The following SEL1L variants were observed in gnomAD, a reference collection of about 807,000 sequenced individuals.
The protein encoded by SEL1L is protein sel-1 homolog 1.
Under a neutral mutation model 109.8 loss-of-function variants are expected in SEL1L, and 52 were observed. That is an observed-to-expected ratio of 0.47 (90% confidence interval 0.38 to 0.60). The LOEUF (loss-of-function observed/expected upper bound fraction) is 0.60, where lower values mean the gene tolerates loss of function less well. Ranked by LOEUF, SEL1L falls within the 20% of genes least tolerant of loss-of-function variation. SEL1L has a pLI of 0.00. For missense variants in SEL1L, 749 were observed against 962.2 expected, an observed-to-expected ratio of 0.78 and a Z score of 2.93; for synonymous variants, 373 against 339.6, an observed-to-expected ratio of 1.10 and a Z score of -1.08.
intron 14 of SEL1L, among the ~76,000 whole-genome samples, chr14:81,488,295 A>C (rs957252843): frequency 6.6e-6 from 1 of 152,214 alleles, no homozygotes; most frequent in African/African-American, 2.4e-5. Flanking sequence ...TTAAAGAAAG[A>C]AAATTATCTC....
At chr14:81,511,042 A>C (rs537633311) in intron 3 of SEL1L, among the ~76,000 whole-genome samples, 2 of 152,362 alleles carry the variant, frequency 1.3e-5, no homozygotes, top group South Asian at 4.1e-4. Flanking sequence ...GTTGTCTGGG[A>C]ATATGCTATA....
Position 81,527,684 on chromosome 14 carries a change from C to A in SEL1L, c.108+17G>T, listed in dbSNP as rs1307875381. 3.2e-6 allele frequency: 5 copies of A among 1,581,648 alleles called. No individual in the cohort carries two copies. The East Asian group carries it at 1.1e-4, about 36-fold the overall frequency. On this transcript the variant is annotated intron_variant, in intron 2 of 20. Coordinates refer to ENST00000336735, the MANE Select transcript of SEL1L (RefSeq NM_005065.6). ...ATCAGGCAGCAAATACTGGCCAATACACATTTTAGTACATACCTTGGAATC... is the reference window on the plus strand; with the variant it reads ...ATCAGGCAGCAAATACTGGCCAATAAACATTTTAGTACATACCTTGGAATC...
chr14:81,505,655 A>G (rs770491691), intron 4 of SEL1L, among the ~76,000 whole-genome samples: 1 of 152,218 alleles, frequency 6.6e-6, no homozygotes, highest in Non-Finnish European at 1.5e-5. Context: ...GGTTAAATAC[A>G]CTGTATTTGT....
rs1286968217 is a variant in SEL1L, at chr14:81,502,861, C to T, written c.637G>A (p.Ala213Thr). The T allele has an allele frequency of 1.2e-6, 2 of 1,612,402 alleles. No homozygotes were observed. The highest frequency in any genetic ancestry group is 2.2e-5 in the South Asian group (2 of 90,678). ...KREAYRYLQK[A>T]ASMNHTKALE... ...GCTTTGGTATGGTTCATGCTTGCTG[C>T]CTTTTGGAGATACCGATATGCTCTT... is the stretch of plus-strand genomic sequence containing the variant. Residue 213 changes from alanine to threonine, a missense_variant, in exon 6 of 21, where the codon GCA (alanine) becomes ACA (threonine). Physicochemically the swap from Ala to Thr is moderately conservative, Grantham distance 58. Around this residue, in one of 2 missense-constraint regions of SEL1L, gnomAD observed 366 missense variants for 399.8 expected, o/e 0.92. Coordinates refer to ENST00000336735, the MANE Select transcript of SEL1L (RefSeq NM_005065.6).
chr14:81,519,935 A>G (rs936125541), intron 3 of SEL1L, among the ~76,000 whole-genome samples: 5 of 152,180 alleles, frequency 3.3e-5, no homozygotes, highest in African/African-American at 1.2e-4. Context: ...GAAGGGGTAC[A>G]CTGAAGGCTC....
intron 5 of SEL1L, among the ~76,000 whole-genome samples, chr14:81,503,851 T>C (rs1202368416): frequency 1.3e-5 from 2 of 152,180 alleles, no homozygotes; most frequent in Non-Finnish European, 2.9e-5. Context: ...CAGTCAAAAA[T>C]TACAAAGCAA....
At position 81,499,537 on chromosome 14, in the gene SEL1L, T is replaced by C. The variant is rs918313292; in HGVS notation, c.832-19A>G. ...CAAGAGCCTGTGAAAGAACAAAACA[T>C]GTTTAACTGAACATAGGCACGCATT... On this transcript the variant is annotated intron_variant, in intron 7 of 20. Transcript: ENST00000336735. 8 of 1,609,698 alleles carry C rather than the reference T, an allele frequency of 5.0e-6. No homozygotes were observed. The highest frequency in any genetic ancestry group is 5.9e-6 in the Non-Finnish European group (7 of 1,178,918).
At chr14:81,478,418 T>C (rs1262051001) in intron 20 of SEL1L, among the ~76,000 whole-genome samples, 1 of 152,126 alleles carries the variant, frequency 6.6e-6, no homozygotes, top group Non-Finnish European at 1.5e-5. Context: ...TTTATACTTC[T>C]GTATTAAAAA....
At chr14:81,489,542 T>C (rs989662103) in intron 13 of SEL1L, among the ~76,000 whole-genome samples, 8 of 152,196 alleles carry the variant, frequency 5.3e-5, no homozygotes, top group Non-Finnish European at 4.4e-5. Flanking sequence ...AGTAAATTCA[T>C]TTAGAATTAC....
Position 81,475,749 on chromosome 14 carries a change from GTAGCCTTGA to G in SEL1L, c.*1214_*1222del, listed in dbSNP as rs1428759345. ...TTTAACCAGACAATCCTGAAGCATA[GTAGCCTTGA>G]TTTTCCTAATGTTAACAGTGAGAAA... On this transcript the variant is annotated 3_prime_UTR_variant, in exon 21 of 21. Transcript: ENST00000336735. The G allele has an allele frequency of 1.3e-5, 2 of 152,304 alleles. No individual in the cohort carries two copies. The highest frequency in any genetic ancestry group is 6.5e-5 in the Admixed American group (1 of 15,298). The allele number at this position is 152,304 out of a possible 1,614,324, so 9.4% of individuals were successfully genotyped here. A position where few individuals can be genotyped will look rare whatever the true frequency, so the allele number is the denominator to read the frequency against.
At chr14:81,490,269 T>C (rs1883486956) in intron 13 of SEL1L, 119 bp downstream of exon 13, 2 of 698,438 alleles carry the variant, frequency 2.9e-6, no homozygotes, top group South Asian at 4.1e-5. Context: ...ATACTTAATA[T>C]GCAGTTTCAA....
intron 3 of SEL1L, among the ~76,000 whole-genome samples, chr14:81,507,181 G>C (rs1884274476): frequency 6.6e-6 from 1 of 152,172 alleles, no homozygotes; most frequent in Non-Finnish European, 1.5e-5. Context: ...TAAGGAGTTT[G>C]AACTTTTATC....
intron 11 of SEL1L, among the ~76,000 whole-genome samples, chr14:81,494,651 T>C (rs1883671078): frequency 6.6e-6 from 1 of 152,216 alleles, no homozygotes; most frequent in South Asian, 2.1e-4. Flanking sequence ...GGACCTTATC[T>C]CCAGGGTCAA....
rs755674542 is a variant in SEL1L at position 81,499,620 on chromosome 14, T to C, written c.820A>G (p.Ser274Gly). The C allele has an allele frequency of 3.7e-6, 6 of 1,610,672 alleles. No individual in the cohort carries two copies. The East Asian group carries it at 1.3e-4, about 36-fold the overall frequency. Residue 274 changes from serine to glycine, a missense_variant, in exon 7 of 21, where the codon AGT becomes GGT. Transcript: ENST00000336735. ...TTTAATAGTATTACCTTTGCCTGACTTGAATTAACACCAAGTCCAGAGGCA... is the reference window on the plus strand; with the variant it reads ...TTTAATAGTATTACCTTTGCCTGACCTGAATTAACACCAAGTCCAGAGGCA... ...LYASGLGVNS[S>G]QAKALVYYTF...
rs201151613 is a variant in SEL1L, at chr14:81,476,996, T to C, written c.2361A>G (p.Pro787=). The change falls in exon 21 of 21, where the codon CCA becomes CCG. Residue 787 remains proline, a synonymous_variant. Transcript: ENST00000336735. Reference sequence around the variant, plus strand: ...ATTACTGTGGTGGCTGCTGCTCTGGTGGCCCCTCCTGCTGGGGTGGAGCTG... The same window carrying C: ...ATTACTGTGGTGGCTGCTGCTCTGGCGGCCCCTCCTGCTGGGGTGGAGCTG... ...PRPAPPQQEG[P]PEQQPPQ is the part of the protein sequence containing the mutation. 155 of 1,614,080 alleles carry C rather than the reference T, an allele frequency of 9.6e-5. No homozygotes were observed. The highest frequency in any genetic ancestry group is 4.2e-5 in the Non-Finnish European group (49 of 1,180,038).
chr14:81,480,249 C>T (rs953340904), intron 19 of SEL1L, among the ~76,000 whole-genome samples: 7 of 151,914 alleles, frequency 4.6e-5, no homozygotes, highest in African/African-American at 1.7e-4. Flanking sequence ...AGTGCAGTGG[C>T]GCGATCTCGG....
chr14:81,531,392 T>C (rs1392344176), intron 1 of SEL1L, among the ~76,000 whole-genome samples: 2 of 152,106 alleles, frequency 1.3e-5, no homozygotes, highest in South Asian at 2.1e-4. Context: ...AGATGCGACC[T>C]GCCCTGGGTA....
rs1275315926 is a variant in SEL1L, at chr14:81,474,476, C to T, written c.*2496G>A. The T allele has an allele frequency of 3.9e-5, 6 of 152,148 alleles. No homozygotes were observed. The highest frequency in any genetic ancestry group is 1.4e-4 in the African/African-American group (6 of 41,436). The allele number at this position is 152,148 out of a possible 1,614,324, so 9.4% of individuals were successfully genotyped here. On this transcript the variant is annotated 3_prime_UTR_variant, in exon 21 of 21. Transcript: ENST00000336735. ...TCTATCTGTTAAATCTAAATTCTAA[C>T]ATTAAAACTCCTGAATCCTGGAGTT...
In SEL1L at chr14:81,477,198, T is replaced by C. The variant is rs1198261152; in HGVS notation, c.2176-17A>G. 1 of 1,584,136 alleles carries C rather than the reference T, an allele frequency of 6.3e-7. No individual in the cohort carries two copies. Among genetic ancestry groups the C allele is most frequent in the Admixed American group, 1.7e-5 (1 of 59,818 alleles). On this transcript the variant is annotated splice_polypyrimidine_tract_variant and intron_variant, in intron 20 of 20. Transcript: ENST00000336735. The stretch of plus-strand genomic sequence containing the variant: ...ATCTCGAATCTTAATGAAAATAATA[T>C]AGAAACCATTATTATCACTAAAATG...
Sources: allele counts gnomAD v4.1 joint callset (sites outside exome capture counted in the v4.1 genomes callset), GRCh38; gene constraint gnomAD v4.1.1; regional missense constraint gnomAD v4.1.1; transcripts MANE v1.5; gene names NCBI Gene and HGNC (gene_info 2026-07-23, HGNC 2026-07-21).